Variants in VARS2 observed in about 807,000 individuals in gnomAD.
VARS2 encodes valyl-tRNA synthetase 2, mitochondrial.
Under a neutral mutation model 154.1 loss-of-function variants are expected in VARS2, and 105 were observed. The observed-to-expected ratio is 0.68, with a 90% CI of 0.58 to 0.80. VARS2 has a LOEUF of 0.80. Among genes scored for constraint, VARS2 ranks in the 30% least tolerant of loss-of-function variants. The pLI, the probability that VARS2 is intolerant of heterozygous loss-of-function variation, is 0.00. For synonymous variants in VARS2, 483 were observed against 539.5 expected (o/e 0.90, Z 1.45); for missense variants, 1,157 against 1,361.4 (o/e 0.85, Z 2.36).
chr6:30,917,771 T>C lies in VARS2; in HGVS notation c.950T>C (p.Leu317Pro). The change falls in exon 10 of 30, where the codon CTA (leucine) becomes CCA (proline). Residue 317 changes from leucine (L) to proline (P), a missense_variant. Transcript: ENST00000676266. This position sits in a 1 kb window ranked among gnomAD's most constrained non-coding sequence, Gnocchi z 4.4. ...CCCACCCCCGTGTCTTTTGGCCTCC[T>C]ATTTTCTGTTGCCTTCCCCGTGGAT... ...GCPTPVSFGLLFSVAFPVDGE... is the reference protein window; with the variant it reads ...GCPTPVSFGLPFSVAFPVDGE... 6.4e-7 allele frequency: 1 copy of C among 1,563,170 alleles called. No homozygotes were observed. The highest frequency in any genetic ancestry group is 8.7e-7 in the Non-Finnish European group (1 of 1,153,190).
Position 30,916,820 on chromosome 6 carries a change from C to T in VARS2, c.672-58C>T. On this transcript the variant is annotated intron_variant, in intron 7 of 29. Transcript: ENST00000676266. This position sits in a 1 kb window ranked among gnomAD's most constrained non-coding sequence, Gnocchi z 4.0. ...TGGCATTGCTGGGGGCATCGCTGGGCCTGGTACATAGGAAGTGCTTGGGAA... is the reference window on the plus strand; with the variant it reads ...TGGCATTGCTGGGGGCATCGCTGGGTCTGGTACATAGGAAGTGCTTGGGAA... 6.3e-7 allele frequency: 1 copy of T among 1,576,852 alleles called. No individual in the cohort carries two copies. The highest frequency in any genetic ancestry group is 8.7e-7 in the Non-Finnish European group (1 of 1,146,340).
Position 30,919,708 on chromosome 6 carries a change from C to T in VARS2, c.1075-50C>T, listed in dbSNP as rs752380442. 1.6e-5 allele frequency: 24 copies of T among 1,472,196 alleles called. No individual in the cohort carries two copies. The African/African-American group carries it at 2.5e-4, about 16-fold the overall frequency. 91.2% of individuals were successfully genotyped at this position (1,472,196 alleles called of 1,614,324 possible). A position where few individuals can be genotyped will look rare whatever the true frequency, so the allele number is the denominator to read the frequency against. On this transcript the variant is annotated intron_variant, in intron 11 of 29. Coordinates refer to ENST00000676266, the MANE Select transcript of VARS2 (RefSeq NM_020442.6). This position sits in a 1 kb window ranked among gnomAD's most constrained non-coding sequence, Gnocchi z 4.5. ...GGGTTCTCACGCCCCAGCCCAGACC[C>T]TTCCAACCCTCACAGGTGCCTGTCC...
At position 30,916,261 on chromosome 6, in the gene VARS2, G is replaced by C. The variant is rs1271262911; in HGVS notation, c.671+12G>C. 5.6e-6 allele frequency: 9 copies of C among 1,606,284 alleles called. No individual in the cohort carries two copies. The highest frequency in any genetic ancestry group is 6.8e-6 in the Non-Finnish European group (8 of 1,175,180). On this transcript the variant is annotated intron_variant, in intron 7 of 29. Transcript: ENST00000676266. This position sits in a 1 kb window ranked among gnomAD's most constrained non-coding sequence, Gnocchi z 4.0. ...CAGTGGAAGGAGGCGTGAGTATGAT[G>C]GGCAGGACTCGGGGGGCCCAGATGG...
At chr6:30,923,622 A>G in intron 25 of VARS2, 117 bp downstream of exon 25, 1 of 1,430,112 alleles carries the variant, frequency 7.0e-7, no homozygotes, top group Non-Finnish European at 9.4e-7. Context: ...CAGTTAGGAG[A>G]GGAGAGGAGA....
rs1427409672 is a variant in VARS2, at chr6:30,919,868, G to A, written c.1165+20G>A. The A allele has an allele frequency of 6.5e-7, 1 of 1,539,974 alleles. No individual in the cohort carries two copies. Among genetic ancestry groups the A allele is most frequent in the Admixed American group, 2.0e-5 (1 of 49,372 alleles). On this transcript the variant is annotated intron_variant, in intron 12 of 29. Transcript: ENST00000676266. This position sits in a 1 kb window ranked among gnomAD's most constrained non-coding sequence, Gnocchi z 4.5. The stretch of plus-strand genomic sequence containing the variant: ...GCACGGGTGAGTGGAAGTCAGGGGA[G>A]GGAGAGAAAGTTGGGGGTCCTGGAG...
rs529604473 is a variant in VARS2, at chr6:30,920,299, C to A, written c.1294-34C>A. On this transcript the variant is annotated intron_variant, in intron 13 of 29. Transcript: ENST00000676266. This position sits in a 1 kb window ranked among gnomAD's most constrained non-coding sequence, Gnocchi z 4.6. The stretch of plus-strand genomic sequence containing the variant: ...TCCTAGTTTCTTATTTCTCTAGAGG[C>A]CTTCAGTCTTTACTCTTGCCGCTTT... 5 of 1,589,810 alleles carry A rather than the reference C, an allele frequency of 3.1e-6. No homozygotes were observed. In the Admixed American group the frequency reaches 7.2e-5, roughly 23 times the overall value.
In VARS2 at chr6:30,914,502, TGC is replaced by T; in HGVS notation, c.-28+159_-28+160del. 9 of 1,334,010 alleles carry T rather than the reference TGC, an allele frequency of 6.7e-6. No homozygotes were observed. In the South Asian group the frequency reaches 8.6e-5, roughly 13 times the overall value. 82.6% of individuals were successfully genotyped at this position (1,334,010 alleles called of 1,614,324 possible). The stretch of plus-strand genomic sequence containing the variant: ...TCGCCGCGGCCCTGGCGGGACTCCT[TGC>T]TGGCTCTTGGGCGCGCTGATGCCCA... On this transcript the variant is annotated intron_variant, in intron 1 of 29. Transcript: ENST00000676266.
Position 30,920,787 on chromosome 6 carries a change from TG to T in VARS2, c.1479+43del. On this transcript the variant is annotated intron_variant, in intron 15 of 29. Coordinates refer to ENST00000676266, the MANE Select transcript of VARS2 (RefSeq NM_020442.6). This position sits in a 1 kb window ranked among gnomAD's most constrained non-coding sequence, Gnocchi z 4.6. Reference sequence around the variant, plus strand: ...TGTAGGAAGGACTGGGGCCAGGGGTTGGGGGAGCTCCCTGAGAATTGGAATG... The same window carrying T: ...TGTAGGAAGGACTGGGGCCAGGGGTTGGGGAGCTCCCTGAGAATTGGAATG... The T allele has an allele frequency of 6.7e-7, 1 of 1,490,060 alleles. No homozygotes were observed. Among genetic ancestry groups the T allele is most frequent in the Non-Finnish European group, 9.0e-7 (1 of 1,108,536 alleles). The allele number at this position is 1,490,060 out of a possible 1,614,324, so 92.3% of individuals were successfully genotyped here. A position where few individuals can be genotyped will look rare whatever the true frequency, so the allele number is the denominator to read the frequency against.
At position 30,917,175 on chromosome 6, in the gene VARS2, AG is replaced by A. The variant is rs1225619714; in HGVS notation, c.825del (p.Gln275HisfsTer9). On this transcript the variant is annotated frameshift_variant, in exon 9 of 30. Coordinates refer to ENST00000676266, the MANE Select transcript of VARS2 (RefSeq NM_020442.6). LOFTEE classifies it high-confidence loss of function. This position sits in a 1 kb window ranked among gnomAD's most constrained non-coding sequence, Gnocchi z 4.4. ...YKAGLLYRNH[Q>X]LVNWSCALRS... is the part of the protein sequence containing the mutation. ...GCGGGGTTGCTGTACCGGAACCATC[AG>A]CTTGTCAACTGGTCATGTGCTTTAA... The A allele has an allele frequency of 1.2e-6, 2 of 1,614,180 alleles. No individual in the cohort carries two copies. Among genetic ancestry groups the A allele is most frequent in the Non-Finnish European group, 1.7e-6 (2 of 1,180,032 alleles).
At position 30,921,293 on chromosome 6, in the gene VARS2, G is replaced by C. The variant is rs1388375479; in HGVS notation, c.1620G>C (p.Glu540Asp). 1 of 1,614,180 alleles carries C rather than the reference G, an allele frequency of 6.2e-7. No individual in the cohort carries two copies. Among genetic ancestry groups the C allele is most frequent in the South Asian group, 1.1e-5 (1 of 91,084 alleles). The change falls in exon 17 of 30, where the codon GAG becomes GAC. Residue 540 changes from glutamate to aspartate, a missense_variant. Coordinates refer to ENST00000676266, the MANE Select transcript of VARS2 (RefSeq NM_020442.6). The surrounding 1 kb of genome is among the most constrained non-coding windows in gnomAD (Gnocchi z 4.6). ...GHQIPAYLVV[E>D]DHAQGEEDCW... ...AGATTCCAGCCTACCTGGTTGTAGA[G>C]GACCATGCGCAGGTGGGTAGGAAGA...
chr6:30,917,606 C>CT lies in VARS2; in HGVS notation c.874-88dup. 1 of 1,250,466 alleles carries CT rather than the reference C, an allele frequency of 8.0e-7. No individual in the cohort carries two copies. The highest frequency in any genetic ancestry group is 1.1e-6 in the Non-Finnish European group (1 of 905,606). The allele number at this position is 1,250,466 out of a possible 1,614,324, so 77.5% of individuals were successfully genotyped here. On this transcript the variant is annotated intron_variant, in intron 9 of 29. Transcript: ENST00000676266. This position sits in a 1 kb window ranked among gnomAD's most constrained non-coding sequence, Gnocchi z 4.4. The stretch of plus-strand genomic sequence containing the variant: ...GGCTTTTAGATGGATTGCAGGGAGG[C>CT]TGGGCAGATGGATGAGTGGCAGAGT...
In VARS2 at chr6:30,920,827, C is replaced by A; in HGVS notation, c.1479+78C>A. On this transcript the variant is annotated intron_variant, in intron 15 of 29. Coordinates refer to ENST00000676266, the MANE Select transcript of VARS2 (RefSeq NM_020442.6). This position sits in a 1 kb window ranked among gnomAD's most constrained non-coding sequence, Gnocchi z 4.6. ...AGAATTGGAATGAAGAAATGGGAAG[C>A]AGGAGACCTCCTGCCCTGAAGACCT... 7.7e-7 allele frequency: 1 copy of A among 1,305,282 alleles called. No homozygotes were observed. The highest frequency in any genetic ancestry group is 1.0e-6 in the Non-Finnish European group (1 of 959,516). 80.9% of individuals were successfully genotyped at this position (1,305,282 alleles called of 1,614,324 possible). A position where few individuals can be genotyped will look rare whatever the true frequency, so the allele number is the denominator to read the frequency against.
Position 30,920,574 on chromosome 6 carries a change from C to A in VARS2, c.1398-94C>A. On this transcript the variant is annotated intron_variant, in intron 14 of 29. Transcript: ENST00000676266. This position sits in a 1 kb window ranked among gnomAD's most constrained non-coding sequence, Gnocchi z 4.6. ...TCGGTTTTATTCGCTATTGTATCCT[C>A]AGTACCAAGGGCCTGGCATGGCATG... The A allele has an allele frequency of 6.6e-6, 9 of 1,357,330 alleles. No homozygotes were observed. The highest frequency in any genetic ancestry group is 9.0e-6 in the Non-Finnish European group (9 of 1,001,776). 84.1% of individuals were successfully genotyped at this position (1,357,330 alleles called of 1,614,324 possible). A position where few individuals can be genotyped will look rare whatever the true frequency, so the allele number is the denominator to read the frequency against.
chr6:30,922,782 A>G lies in VARS2; in HGVS notation c.2106+8A>G. 1 of 1,605,600 alleles carries G rather than the reference A, an allele frequency of 6.2e-7. No individual in the cohort carries two copies. The highest frequency in any genetic ancestry group is 8.5e-7 in the Non-Finnish European group (1 of 1,174,884). The stretch of plus-strand genomic sequence containing the variant: ...ATTGTGGCTGCAGCACAGGTGAGTC[A>G]TCGCTGCCTGCCCCCCACCAGCTCT... On this transcript the variant is annotated splice_region_variant and intron_variant, in intron 22 of 29. Coordinates refer to ENST00000676266, the MANE Select transcript of VARS2 (RefSeq NM_020442.6).
chr6:30,923,062 G>A lies in VARS2; in HGVS notation c.2186-42G>A, dbSNP rs1484501383. The A allele has an allele frequency of 2.5e-6, 4 of 1,609,842 alleles. No homozygotes were observed. In the Middle Eastern group the frequency reaches 5.0e-4, roughly 199 times the overall value. ...GGGCAGGGGCAGGACTTCTGGTGCT[G>A]CTGCCACCTACATGCAGACTACCTC... On this transcript the variant is annotated intron_variant, in intron 23 of 29. Coordinates refer to ENST00000676266, the MANE Select transcript of VARS2 (RefSeq NM_020442.6).
chr6:30,920,894 G>A lies in VARS2; in HGVS notation c.1479+145G>A, dbSNP rs1467191946. On this transcript the variant is annotated intron_variant, in intron 15 of 29. Transcript: ENST00000676266. This position sits in a 1 kb window ranked among gnomAD's most constrained non-coding sequence, Gnocchi z 4.6. Reference sequence around the variant, plus strand: ...TGAGAGGATGTGTGGGATGGAGGCTGGGCGGCCCAGCAAGGGCTGGCTCAT... The same window carrying A: ...TGAGAGGATGTGTGGGATGGAGGCTAGGCGGCCCAGCAAGGGCTGGCTCAT... 2 of 1,092,400 alleles carry A rather than the reference G, an allele frequency of 1.8e-6. No individual in the cohort carries two copies. The highest frequency in any genetic ancestry group is 2.6e-6 in the Non-Finnish European group (2 of 774,798). 67.7% of individuals were successfully genotyped at this position (1,092,400 alleles called of 1,614,324 possible). A position where few individuals can be genotyped will look rare whatever the true frequency, so the allele number is the denominator to read the frequency against.
Position 30,924,560 on chromosome 6 carries a change from G to A in VARS2, c.2673G>A (p.Leu891=). Residue 891 remains leucine (L), a splice_region_variant and synonymous_variant, in exon 26 of 30, where the codon TTG becomes TTA. Transcript: ENST00000676266. ...SVAPYPSACS[L]EHWRQPELER... is the part of the protein sequence containing the mutation. ...CCCCCTACCCCAGCGCCTGCAGCTT[G>A]GTGAGTCCCAAGCACCTTGGAGTGG... is the stretch of plus-strand genomic sequence containing the variant. 1 of 1,523,546 alleles carries A rather than the reference G, an allele frequency of 6.6e-7. No individual in the cohort carries two copies. The highest frequency in any genetic ancestry group is 8.9e-7 in the Non-Finnish European group (1 of 1,129,654). The allele number at this position is 1,523,546 out of a possible 1,614,324, so 94.4% of individuals were successfully genotyped here.
At chr6:30,914,698 T>G in intron 1 of VARS2, 112 bp from the exon 2 acceptor site, 1 of 1,193,382 alleles carries the variant, frequency 8.4e-7, no homozygotes. Context: ...TGGAAGGGAA[T>G]AGAGACTTGG....
In VARS2 at chr6:30,916,125, G is replaced by T. The variant is rs139293635; in HGVS notation, c.574-27G>T. On this transcript the variant is annotated intron_variant, in intron 6 of 29. Coordinates refer to ENST00000676266, the MANE Select transcript of VARS2 (RefSeq NM_020442.6). The surrounding 1 kb of genome is among the most constrained non-coding windows in gnomAD (Gnocchi z 4.0). ...CAAAGCAACCAAGCAACCTGACTCTGTTCATTTGCCCTGAATCCAACTGCA... is the reference window on the plus strand; with the variant it reads ...CAAAGCAACCAAGCAACCTGACTCTTTTCATTTGCCCTGAATCCAACTGCA... 3,421 of 1,613,872 alleles carry T rather than the reference G, an allele frequency of 2.1e-3. 7 individuals carry two copies. The highest frequency in any genetic ancestry group is 5.9e-3 in the African/African-American group (446 of 75,008).
Sources: allele counts gnomAD v4.1 joint callset, GRCh38; gene constraint gnomAD v4.1.1; non-coding constraint Gnocchi (gnomAD v3.1); transcripts MANE v1.5; gene names NCBI Gene and HGNC (gene_info 2026-07-23, HGNC 2026-07-21).